CC2D1A: variants seen among roughly 807,000 people sequenced by gnomAD.
The protein encoded by CC2D1A is coiled-coil and C2 domain-containing protein 1A.
A neutral mutation model predicts 123.8 loss-of-function variants in CC2D1A; 68 were observed. The observed-to-expected ratio is 0.55, with a 90% confidence interval of 0.45 to 0.67. The LOEUF is 0.67. CC2D1A is among the 30% of genes least tolerant of loss of function. CC2D1A has a pLI of 0.00. For missense variants in CC2D1A, 1,185 were observed against 1,290.3 expected, an observed-to-expected ratio of 0.92 and a Z score of 1.25; for synonymous variants, 477 against 528.0, an observed-to-expected ratio of 0.90 and a Z score of 1.32.
intron 1 of CC2D1A, among the ~76,000 whole-genome samples, chr19:13,908,011 T>G (rs1970848945): frequency 6.6e-6 from 1 of 152,086 alleles, no homozygotes; most frequent in African/African-American, 2.4e-5. Flanking sequence ...CTTTTTTTGT[T>G]TGTTTGTTTT....
At chr19:13,927,313 C>A in intron 22 of CC2D1A, 48 bp downstream of exon 22, 2 of 1,461,218 alleles carry the variant, frequency 1.4e-6, no homozygotes, top group South Asian at 1.1e-5. Context: ...CCATGCTACT[C>A]GTTAACATTA....
chr19:13,930,598 CA>C lies in CC2D1A; in HGVS notation c.*204del. The C allele has an allele frequency of 1.6e-6, 1 of 635,392 alleles. No individual in the cohort carries two copies. Among genetic ancestry groups the C allele is most frequent in the South Asian group, 2.0e-5 (1 of 50,912 alleles). 39.4% of individuals were successfully genotyped at this position (635,392 alleles called of 1,614,324 possible). A position where few individuals can be genotyped will look rare whatever the true frequency, so the allele number is the denominator to read the frequency against. ...TGCCTGCCAGCCAGTATGTGCCCCT[CA>C]CCCAGGCCTGGCTGGGCCCTGGAGA... On this transcript the variant is annotated 3_prime_UTR_variant, in exon 29 of 29. Coordinates refer to ENST00000318003, the MANE Select transcript of CC2D1A (RefSeq NM_017721.5). This position sits in a 1 kb window ranked among gnomAD's most constrained non-coding sequence, Gnocchi z 6.8.
intron 22 of CC2D1A, 72 bp from the exon 23 acceptor site, chr19:13,927,821 T>A: frequency 7.1e-6 from 10 of 1,401,228 alleles, no homozygotes; most frequent in Non-Finnish European, 8.8e-6. Flanking sequence ...AGTCTTGTTC[T>A]CCCTTGTCCT....
chr19:13,914,140 T>C (rs563896569), intron 6 of CC2D1A, among the ~76,000 whole-genome samples: 1 of 152,012 alleles, frequency 6.6e-6, no homozygotes, highest in African/African-American at 2.4e-5. Flanking sequence ...GGCCTCCCAA[T>C]TTGCTGGGAT....
In CC2D1A at chr19:13,930,427, C is replaced by T. The variant is rs548070015; in HGVS notation, c.*32C>T. Reference sequence around the variant, plus strand: ...CATGGGGCGGGCAGCCCCCAGAAAGCGGGCAGCAGGCCCCGATACCGGGAA... The same window carrying T: ...CATGGGGCGGGCAGCCCCCAGAAAGTGGGCAGCAGGCCCCGATACCGGGAA... On this transcript the variant is annotated 3_prime_UTR_variant, in exon 29 of 29. Transcript: ENST00000318003. The surrounding 1 kb of genome is among the most constrained non-coding windows in gnomAD (Gnocchi z 6.8). The T allele has an allele frequency of 5.3e-5, 84 of 1,581,846 alleles. No individual in the cohort carries two copies. The East Asian group carries it at 1.2e-3, about 23-fold the overall frequency.
At position 13,930,172 on chromosome 19, in the gene CC2D1A, C is replaced by A. The variant is rs780756161; in HGVS notation, c.2787+18C>A. 5.2e-5 allele frequency: 84 copies of A among 1,613,092 alleles called. No homozygotes were observed. Among genetic ancestry groups the A allele is most frequent in the Non-Finnish European group, 6.9e-5 (81 of 1,179,558 alleles). On this transcript the variant is annotated intron_variant, in intron 27 of 28. Coordinates refer to ENST00000318003, the MANE Select transcript of CC2D1A (RefSeq NM_017721.5). The surrounding 1 kb of genome is among the most constrained non-coding windows in gnomAD (Gnocchi z 6.8). ...GCAGCAGGGTGAGCTGGTCGCGGGC[C>A]GGGTGGGCACTGGGCAGCGGGCAGG...
intron 24 of CC2D1A, among the ~76,000 whole-genome samples, chr19:13,928,442 G>A (rs1348954582): frequency 6.6e-6 from 1 of 152,014 alleles, no homozygotes; most frequent in East Asian, 1.9e-4. Flanking sequence ...TCCATGAATA[G>A]TTTTCACTGG....
At chr19:13,907,219 ACC>A (rs1970791168) in intron 1 of CC2D1A, among the ~76,000 whole-genome samples, 1 of 151,928 alleles carries the variant, frequency 6.6e-6, no homozygotes, top group Non-Finnish European at 1.5e-5. Context: ...AGAGTTTGAG[ACC>A]AGCCTGGGCA....
intron 6 of CC2D1A, among the ~76,000 whole-genome samples, chr19:13,915,377 C>T (rs1459520872): frequency 6.6e-6 from 1 of 152,168 alleles, no homozygotes; most frequent in African/African-American, 2.4e-5. Flanking sequence ...TCTCGAGTAG[C>T]TGGGATTACA....
At chr19:13,929,234 T>C (rs565929626) in intron 24 of CC2D1A, 145 bp from the exon 25 acceptor site, 150 of 787,298 alleles carry the variant, frequency 1.9e-4, no homozygotes, top group Non-Finnish European at 3.0e-4. Context: ...CTCGAACTCC[T>C]GACCTCATGA....
intron 2 of CC2D1A, 26 bp from the exon 3 acceptor site, chr19:13,912,297 C>T (rs1286509529): frequency 6.4e-7 from 1 of 1,567,858 alleles, no homozygotes; most frequent in African/African-American, 1.4e-5. Flanking sequence ...GACCCTGGTC[C>T]ACCTGGGGCA....
At chr19:13,922,659 C>T (rs1335847143) in intron 14 of CC2D1A, among the ~76,000 whole-genome samples, 2 of 152,200 alleles carry the variant, frequency 1.3e-5, no homozygotes, top group East Asian at 1.9e-4. Context: ...GTCAGCCCCA[C>T]GAGGGCAGGG....
In CC2D1A at chr19:13,926,802, G is replaced by T. The variant is rs1283763378; in HGVS notation, c.2074-19G>T. On this transcript the variant is annotated intron_variant, in intron 19 of 28. Transcript: ENST00000318003. The stretch of plus-strand genomic sequence containing the variant: ...AGGTCCCAGGCCCCCTAGATTTCCT[G>T]CCTCCTCTCTGGTCATAGGAAGAAG... 1 of 1,613,978 alleles carries T rather than the reference G, an allele frequency of 6.2e-7. No homozygotes were observed. The highest frequency in any genetic ancestry group is 1.7e-5 in the Admixed American group (1 of 60,008).
At chr19:13,909,328 A>G (rs1159453430) in intron 1 of CC2D1A, among the ~76,000 whole-genome samples, 5 of 151,770 alleles carry the variant, frequency 3.3e-5, no homozygotes, top group African/African-American at 1.2e-4. Flanking sequence ...GTGAGCTGAG[A>G]CTGCACCACT....
chr19:13,930,129 G>A lies in CC2D1A; in HGVS notation c.2762G>A (p.Arg921Gln), dbSNP rs745692184. 18 of 1,612,340 alleles carry A rather than the reference G, an allele frequency of 1.1e-5. No individual in the cohort carries two copies. In the East Asian group the frequency reaches 1.6e-4, roughly 14 times the overall value. ...RQLQFYTEAA[R>Q]RLGNDGSRDA... ...CTGCAGTTCTACACGGAGGCTGCCCGGCGCCTGGGCAACGATGGCAGCAGG... is the reference window on the plus strand; with the variant it reads ...CTGCAGTTCTACACGGAGGCTGCCCAGCGCCTGGGCAACGATGGCAGCAGG... The change falls in exon 27 of 29, where the codon CGG (arginine) becomes CAG (glutamine). Residue 921 changes from arginine to glutamine, a missense_variant. Arg to Gln is a conservative substitution (Grantham distance 43). Coordinates refer to ENST00000318003, the MANE Select transcript of CC2D1A (RefSeq NM_017721.5). This position sits in a 1 kb window ranked among gnomAD's most constrained non-coding sequence, Gnocchi z 6.8.
intron 24 of CC2D1A, among the ~76,000 whole-genome samples, chr19:13,928,551 C>T (rs55711916): frequency 0.13 from 20,194 of 151,504 alleles, 1,783 homozygotes; most frequent in Middle Eastern, 0.21. Flanking sequence ...CTTTGGATCC[C>T]AACTTGGCTG....
In CC2D1A at chr19:13,930,057, TC is replaced by T. The variant is rs1354269426; in HGVS notation, c.2711-16del. 1.9e-6 allele frequency: 3 copies of T among 1,610,436 alleles called. No individual in the cohort carries two copies. Among genetic ancestry groups the T allele is most frequent in the Non-Finnish European group, 2.5e-6 (3 of 1,178,602 alleles). On this transcript the variant is annotated intron_variant, in intron 26 of 28. Coordinates refer to ENST00000318003, the MANE Select transcript of CC2D1A (RefSeq NM_017721.5). This position sits in a 1 kb window ranked among gnomAD's most constrained non-coding sequence, Gnocchi z 6.8. Reference sequence around the variant, plus strand: ...GTGAGGCCCCACCCTAAGCCTCCATTCCCCCGCCATCCATTCTCAGAATACG... The same window carrying T: ...GTGAGGCCCCACCCTAAGCCTCCATTCCCCGCCATCCATTCTCAGAATACG...
intron 5 of CC2D1A, 50 bp downstream of exon 5, chr19:13,913,352 C>G (rs201573715): frequency 1.2e-6 from 2 of 1,607,828 alleles, no homozygotes; most frequent in East Asian, 4.5e-5. Flanking sequence ...ACCCCGATGC[C>G]CTGCACCAAG....
chr19:13,929,073 G>A (rs1365442553), intron 24 of CC2D1A, among the ~76,000 whole-genome samples: 8 of 146,834 alleles, frequency 5.4e-5, no homozygotes, highest in South Asian at 2.2e-4. Context: ...GTGTGATCTC[G>A]GCTCATTGCA....
Sources: gnomAD v4.1 joint callset for allele counts (sites outside exome capture counted in the v4.1 genomes callset) on GRCh38, gnomAD v4.1.1 for gene constraint, Gnocchi (gnomAD v3.1) non-coding constraint, MANE v1.5 for transcripts, NCBI Gene and HGNC (gene_info 2026-07-23, HGNC 2026-07-21) for gene names.